The following DDX60L variants were observed in gnomAD, a reference collection of about 807,000 sequenced individuals.
The protein encoded by DDX60L is probable ATP-dependent RNA helicase DDX60-like.
Under a neutral mutation model 211.6 loss-of-function variants are expected in DDX60L, and 191 were observed. The observed-to-expected ratio is 0.90, with a 90% CI of 0.80 to 1.02. The LOEUF (loss-of-function observed/expected upper bound fraction) is 1.02, where lower values mean the gene tolerates loss of function less well. Ranked by LOEUF, DDX60L falls within the 50% of genes least tolerant of loss-of-function variation. The pLI, the probability that DDX60L is intolerant of heterozygous loss-of-function variation, is 0.00. For missense variants in DDX60L, 2,007 were observed against 1,984.1 expected, an observed-to-expected ratio of 1.01 and a Z score of -0.22; for synonymous variants, 706 against 694.1, an observed-to-expected ratio of 1.02 and a Z score of -0.27.
chr4:168,433,905 T>G (rs1752694215), intron 10 of DDX60L, among the ~76,000 whole-genome samples: 1 of 152,200 alleles, frequency 6.6e-6, no homozygotes, highest in Admixed American at 6.5e-5. Flanking sequence ...AAGTTGTACT[T>G]ATACTAGTTA....
chr4:168,441,146 C>A (rs12504779), intron 10 of DDX60L, among the ~76,000 whole-genome samples, 191 bp downstream of exon 10: 12 of 151,920 alleles, frequency 7.9e-5, no homozygotes, highest in South Asian at 2.1e-4. Flanking sequence ...AAAATTTCAC[C>A]AGGCTTTACT....
At position 168,374,956 on chromosome 4, in the gene DDX60L, C is replaced by G. The variant is rs576567290; in HGVS notation, c.4633+421G>C. On this transcript the variant is annotated intron_variant, in intron 34 of 37. Transcript: ENST00000682922. Reference sequence around the variant, plus strand: ...TAAGTAGCAGAGCCAGGATTTAGACCTTGGCATTCTGCTGCCAGTGTTCAC... The same window carrying G: ...TAAGTAGCAGAGCCAGGATTTAGACGTTGGCATTCTGCTGCCAGTGTTCAC... Among the ~76,000 whole-genome samples, 19 of 152,312 alleles carry G rather than the reference C, an allele frequency of 1.2e-4. No individual in the cohort carries two copies. The South Asian group carries it at 3.7e-3, about 30-fold the overall frequency.
At chr4:168,411,044 G>A (rs951076073) in intron 22 of DDX60L, among the ~76,000 whole-genome samples, 6 of 152,226 alleles carry the variant, frequency 3.9e-5, no homozygotes, top group Admixed American at 1.3e-4. Flanking sequence ...TGTCCCAAAT[G>A]ACTTTGAGGA....
chr4:168,421,788 C>A lies in DDX60L; in HGVS notation c.2366G>T (p.Gly789Val), dbSNP rs368624817. The A allele has an allele frequency of 5.0e-6, 8 of 1,614,154 alleles. No homozygotes were observed. In the South Asian group the frequency reaches 8.8e-5, roughly 18 times the overall value. The change falls in exon 17 of 38, where the codon GGG becomes GTG. Residue 789 changes from glycine to valine, a missense_variant. Gly to Val is a moderately radical substitution (Grantham distance 109). Coordinates refer to ENST00000682922, the MANE Select transcript of DDX60L (RefSeq NM_001012967.3). ...MEKVLRESDV[G>V]VVVYVAPAKS... ...TGCGGGTGCAACGTACACAACCACCCCGACATCGCTCTCCCTCAGCACTTT... is the reference window on the plus strand; with the variant it reads ...TGCGGGTGCAACGTACACAACCACCACGACATCGCTCTCCCTCAGCACTTT...
chr4:168,479,360 A>C (rs1331740333), intron 1 of DDX60L, among the ~76,000 whole-genome samples: 1 of 152,222 alleles, frequency 6.6e-6, no homozygotes, highest in East Asian at 1.9e-4. Context: ...CTTAGATTGA[A>C]TGGTATGTTA....
chr4:168,406,066 C>G lies in DDX60L; in HGVS notation c.3097G>C (p.Glu1033Gln), dbSNP rs879614591. 6.3e-7 allele frequency: 1 copy of G among 1,595,536 alleles called. No homozygotes were observed. The highest frequency in any genetic ancestry group is 8.5e-7 in the Non-Finnish European group (1 of 1,174,060). The change falls in exon 24 of 38, where the codon GAG becomes CAG. Residue 1033 changes from glutamate to glutamine, a missense_variant. Transcript: ENST00000682922. ...TTATTCTTAAAAAGAATGAATTCCT[C>G]TGGACACAATTCCTTGGGGGGAAAA... ...TWPRAQELCP[E>Q]EFILFKNKIV...
intron 1 of DDX60L, among the ~76,000 whole-genome samples, chr4:168,473,988 A>T (rs1029653665): frequency 6.6e-6 from 1 of 152,232 alleles, no homozygotes; most frequent in Non-Finnish European, 1.5e-5. Context: ...CATTTATTCA[A>T]CAACTATTGA....
At position 168,448,622 on chromosome 4, in the gene DDX60L, C is replaced by T. The variant is rs764433628; in HGVS notation, c.1138+16G>A. ...ATTTGTTCATGATATAATGTTAATG[C>T]ATATTCAGGTACTACCTTGAGTACT... On this transcript the variant is annotated intron_variant, in intron 9 of 37. Transcript: ENST00000682922. 1 of 1,492,268 alleles carries T rather than the reference C, an allele frequency of 6.7e-7. No homozygotes were observed. Among genetic ancestry groups the T allele is most frequent in the South Asian group, 1.2e-5 (1 of 81,440 alleles). The allele number at this position is 1,492,268 out of a possible 1,614,324, so 92.4% of individuals were successfully genotyped here.
chr4:168,440,289 G>A (rs1753641252), intron 10 of DDX60L, among the ~76,000 whole-genome samples: 1 of 152,206 alleles, frequency 6.6e-6, no homozygotes, highest in African/African-American at 2.4e-5. Flanking sequence ...ATGCCCACAT[G>A]GAAGGTGGGA....
intron 29 of DDX60L, 35 bp downstream of exon 29, chr4:168,391,505 T>C (rs770940588): frequency 2.2e-6 from 3 of 1,355,886 alleles, no homozygotes; most frequent in Non-Finnish European, 3.1e-6. Context: ...CAAACTCAGC[T>C]TTCAGCAATG....
chr4:168,421,829 G>A lies in DDX60L; in HGVS notation c.2325C>T (p.Ser775=). 1 of 1,614,194 alleles carries A rather than the reference G, an allele frequency of 6.2e-7. No individual in the cohort carries two copies. The highest frequency in any genetic ancestry group is 8.5e-7 in the Non-Finnish European group (1 of 1,180,030). The part of the protein sequence containing the change: ...APTSSGKTYA[S]YYCMEKVLRE... ...TCAGCACTTTCTCCATGCAGTAGTAGGAAGCATAGGTTTTGCCTGAGGACG... is the reference window on the plus strand; with the variant it reads ...TCAGCACTTTCTCCATGCAGTAGTAAGAAGCATAGGTTTTGCCTGAGGACG... Residue 775 remains serine, a synonymous_variant, in exon 17 of 38, where the codon TCC becomes TCT. Coordinates refer to ENST00000682922, the MANE Select transcript of DDX60L (RefSeq NM_001012967.3).
chr4:168,402,124 C>CTTT (rs60345965), intron 25 of DDX60L, among the ~76,000 whole-genome samples: 63 of 108,476 alleles, frequency 5.8e-4, no homozygotes, highest in African/African-American at 1.0e-3. Flanking sequence ...ACTTCAGAGG[C>CTTT]TTTTTTTTTT....
At chr4:168,367,750 T>C (rs2149614146) in intron 36 of DDX60L, among the ~76,000 whole-genome samples, 1 of 152,322 alleles carries the variant, frequency 6.6e-6, no homozygotes, top group South Asian at 2.1e-4. Context: ...TAAAGTCCAG[T>C]CTAAGGTGGT....
chr4:168,458,449 T>C (rs966169664), intron 5 of DDX60L, among the ~76,000 whole-genome samples: 3 of 152,184 alleles, frequency 2.0e-5, no homozygotes, highest in African/African-American at 7.2e-5. Context: ...GTGGTACATA[T>C]ATTCCATGGA....
At chr4:168,418,994 C>T (rs1405008672) in intron 19 of DDX60L, among the ~76,000 whole-genome samples, 1 of 152,222 alleles carries the variant, frequency 6.6e-6, no homozygotes, top group African/African-American at 2.4e-5. Flanking sequence ...TCTATAGAAT[C>T]TCTCTTCTGT....
chr4:168,429,513 A>G (rs1393856995), intron 13 of DDX60L, among the ~76,000 whole-genome samples: 2 of 152,270 alleles, frequency 1.3e-5, no homozygotes, highest in Non-Finnish European at 2.9e-5. Context: ...TCTTTGATGC[A>G]TTAAGCTTGT....
intron 36 of DDX60L, among the ~76,000 whole-genome samples, chr4:168,365,128 A>G (rs965897190): frequency 2.0e-5 from 3 of 152,162 alleles, no homozygotes; most frequent in African/African-American, 7.2e-5. Flanking sequence ...AACTTAATAT[A>G]CAAGAACAAA....
At chr4:168,396,811 C>G (rs1270582343) in intron 26 of DDX60L, among the ~76,000 whole-genome samples, 1 of 151,560 alleles carries the variant, frequency 6.6e-6, no homozygotes, top group Non-Finnish European at 1.5e-5. Context: ...GAAAGAAGAT[C>G]AAAGCAGTGG....
intron 37 of DDX60L, among the ~76,000 whole-genome samples, chr4:168,360,161 TC>T (rs1738861204): frequency 6.6e-6 from 1 of 152,216 alleles, no homozygotes; most frequent in South Asian, 2.1e-4. Flanking sequence ...CATATGACTG[TC>T]TACAAGAAAG....
Sources: gnomAD v4.1 joint callset for allele counts (sites outside exome capture counted in the v4.1 genomes callset) on GRCh38, gnomAD v4.1.1 for gene constraint, MANE v1.5 for transcripts, NCBI Gene and HGNC (gene_info 2026-07-23, HGNC 2026-07-21) for gene names.